CPSF1: variants seen among roughly 807,000 people sequenced by gnomAD.
CPSF1 encodes the protein cleavage and polyadenylation specificity factor subunit 1.
A neutral mutation model predicts 175.8 loss-of-function variants in CPSF1; 106 were observed. The ratio of observed to expected loss-of-function variants is 0.60; its 90% CI spans 0.52 to 0.71. The LOEUF (loss-of-function observed/expected upper bound fraction) is 0.71, where lower values mean the gene tolerates loss of function less well. Ranked by LOEUF, CPSF1 falls within the 30% of genes least tolerant of loss-of-function variation. CPSF1 has a pLI of 0.00. For missense variants in CPSF1, 1,734 were observed against 2,022.9 expected (o/e 0.86, Z 2.74); for synonymous variants, 1,024 against 858.3 (o/e 1.19, Z -3.37).
rs782437856 is a variant in CPSF1 at position 144,396,894 on chromosome 8, G to A, written c.2628C>T (p.Ala876=). Residue 876 remains alanine, a synonymous_variant, in exon 24 of 38, where the codon GCC becomes GCT. Coordinates refer to ENST00000616140, the MANE Select transcript of CPSF1 (RefSeq NM_013291.3). ...HVDQELLIYE[A]FPHDSQLGQG... is the part of the protein sequence containing the mutation. Reference sequence around the variant, plus strand: ...GGCCGAGCTGAGAGTCGTGGGGGAAGGCCTCGTAGATAAGCAGCTCTTGGT... The same window carrying A: ...GGCCGAGCTGAGAGTCGTGGGGGAAAGCCTCGTAGATAAGCAGCTCTTGGT... 4.3e-6 allele frequency: 7 copies of A among 1,613,764 alleles called. No individual in the cohort carries two copies. Among genetic ancestry groups the A allele is most frequent in the South Asian group, 2.2e-5 (2 of 91,070 alleles).
chr8:144,396,571 C>G (rs1586614614), intron 25 of CPSF1, 27 bp downstream of exon 25: 1 of 1,609,714 alleles, frequency 6.2e-7, no homozygotes, highest in African/African-American at 1.3e-5. Flanking sequence ...CCTTCTACCA[C>G]AGACCCCTGC....
At position 144,400,974 on chromosome 8, in the gene CPSF1, G is replaced by C; in HGVS notation, c.489C>G (p.Pro163=). ...CCTCAGCCAGGCTCTCCCTGCGGAA[G>C]GGCAGGACCACCAGCCGCGTGCCGT... ...LVYGTRLVVL[P]FRRESLAEEH... Residue 163 remains proline (P), a synonymous_variant, in exon 6 of 38, where the codon CCC becomes CCG. Coordinates refer to ENST00000616140, the MANE Select transcript of CPSF1 (RefSeq NM_013291.3). The C allele has an allele frequency of 6.2e-7, 1 of 1,610,292 alleles. No individual in the cohort carries two copies. Among genetic ancestry groups the C allele is most frequent in the Middle Eastern group, 1.7e-4 (1 of 6,052 alleles).
At chr8:144,407,588 G>A (rs2116908910) in intron 2 of CPSF1, among the ~76,000 whole-genome samples, 1 of 152,240 alleles carries the variant, frequency 6.6e-6, no homozygotes, top group African/African-American at 2.4e-5. Flanking sequence ...TTGGTGGAGG[G>A]TTTAGGGAGC....
At position 144,409,075 on chromosome 8, in the gene CPSF1, G is replaced by A. The variant is rs2116913021; in HGVS notation, c.84C>T (p.Arg28=). ...GCGAGGTCCCGGCCACTACCAGGTT[G>A]CGCTCGCTGTTGTTGAAGAAGTTGC... is the stretch of plus-strand genomic sequence containing the variant. ...MYCNFFNNSE[R]NLVVAGTSQL... Residue 28 remains arginine, a synonymous_variant, in exon 2 of 38, where the codon CGC becomes CGT. Transcript: ENST00000616140. 1.2e-6 allele frequency: 2 copies of A among 1,613,886 alleles called. No homozygotes were observed. Among genetic ancestry groups the A allele is most frequent in the Non-Finnish European group, 1.7e-6 (2 of 1,179,926 alleles).
rs782373475 is a variant in CPSF1 at position 144,400,134 on chromosome 8, G to GCCCCCCCCCCCCCCCC, written c.937+31_937+32insGGGGGGGGGGGGGGGG. The GCCCCCCCCCCCCCCCC allele has an allele frequency of 6.4e-5, 62 of 966,496 alleles. 2 individuals carry two copies. Among genetic ancestry groups the GCCCCCCCCCCCCCCCC allele is most frequent in the African/African-American group, 1.6e-4 (7 of 42,662 alleles). 59.9% of individuals were successfully genotyped at this position (966,496 alleles called of 1,614,324 possible). On this transcript the variant is annotated intron_variant, in intron 9 of 37. Coordinates refer to ENST00000616140, the MANE Select transcript of CPSF1 (RefSeq NM_013291.3). ...ACTAGGCAGGCCCAAGCCGTCCCCG[G>GCCCCCCCCCCCCCCCC]GCCCCCCCCGCCCCAGCCACCCCAC... is the stretch of plus-strand genomic sequence containing the variant.
At chr8:144,404,333 G>A (rs1385801937) in intron 2 of CPSF1, among the ~76,000 whole-genome samples, 7 of 152,074 alleles carry the variant, frequency 4.6e-5, no homozygotes, top group Non-Finnish European at 2.9e-5. Context: ...CTGCACTTCT[G>A]TGTACATGCA....
chr8:144,395,707 C>T, intron 26 of CPSF1, 156 bp from the exon 27 acceptor site: 1 of 642,346 alleles, frequency 1.6e-6, no homozygotes, highest in Non-Finnish European at 2.7e-6. Context: ...CTGGAAGGGG[C>T]TGCCACTCAG....
intron 2 of CPSF1, 61 bp downstream of exon 2, chr8:144,408,954 C>CG: frequency 6.3e-7 from 1 of 1,580,616 alleles, no homozygotes; most frequent in Middle Eastern, 1.7e-4. Context: ...CATCTGCAAC[C>CG]GGGGGCGGTG....
In CPSF1 at chr8:144,397,464, C is replaced by A. The variant is rs782615998; in HGVS notation, c.2385+23G>T. 5 of 1,596,888 alleles carry A rather than the reference C, an allele frequency of 3.1e-6. No homozygotes were observed. The East Asian group carries it at 1.1e-4, about 36-fold the overall frequency. The stretch of plus-strand genomic sequence containing the variant: ...AGGCAGGTGGGTGGAACCCGCTGGG[C>A]CACAGTGCAGGGCACCACCTACCTC... On this transcript the variant is annotated intron_variant, in intron 22 of 37. Transcript: ENST00000616140.
rs2116875200 is a variant in CPSF1 at position 144,400,441 on chromosome 8, T to C, written c.739A>G (p.Ile247Val). 5.0e-6 allele frequency: 8 copies of C among 1,613,442 alleles called. No homozygotes were observed. The highest frequency in any genetic ancestry group is 2.2e-5 in the East Asian group (1 of 44,876). ...TCSIVAISLNITQKVHPVIWS... is the reference protein window; with the variant it reads ...TCSIVAISLNVTQKVHPVIWS... The stretch of plus-strand genomic sequence containing the variant: ...ATGACGGGGTGCACCTTCTGCGTGA[T>C]GTTCAGTGAGATGGCCACAATGGAG... The change falls in exon 8 of 38, where the codon ATC (isoleucine) becomes GTC (valine). Residue 247 changes from isoleucine to valine, a missense_variant. Around this residue, in one of 10 missense-constraint regions of CPSF1, gnomAD observed 61 missense variants for 104.0 expected, o/e 0.59. Transcript: ENST00000616140.
At chr8:144,401,780 C>G in intron 2 of CPSF1, 107 bp from the exon 3 acceptor site, 2 of 1,192,250 alleles carry the variant, frequency 1.7e-6, no homozygotes, top group Non-Finnish European at 2.3e-6. Flanking sequence ...CCTGGGAGCT[C>G]TGCCCAAACC....
chr8:144,393,243 T>C lies in CPSF1; in HGVS notation c.*75A>G. ...CCACACACTCCTCTCAAGCAAAAAA[T>C]GTTTTTCCTTGTGTTTTGTACAAAA... On this transcript the variant is annotated 3_prime_UTR_variant, in exon 38 of 38. Coordinates refer to ENST00000616140, the MANE Select transcript of CPSF1 (RefSeq NM_013291.3). 5 of 1,411,396 alleles carry C rather than the reference T, an allele frequency of 3.5e-6. No individual in the cohort carries two copies. In the South Asian group the frequency reaches 5.8e-5, roughly 16 times the overall value. 87.4% of individuals were successfully genotyped at this position (1,411,396 alleles called of 1,614,324 possible). A position where few individuals can be genotyped will look rare whatever the true frequency, so the allele number is the denominator to read the frequency against.
Position 144,400,248 on chromosome 8 carries a change from C to A in CPSF1, c.855G>T (p.Ser285=), listed in dbSNP as rs2116873852. 3 of 1,593,568 alleles carry A rather than the reference C, an allele frequency of 1.9e-6. No individual in the cohort carries two copies. In the East Asian group the frequency reaches 6.7e-5, roughly 36 times the overall value. The part of the protein sequence containing the change: ...IGGVVVFAVN[S]LLYLNQSVPP... ...GGACGCTCTGGTTCAGGTACAACAG[C>A]GAGTTGACGGCAAACACCACCACCC... Residue 285 remains serine, a synonymous_variant, in exon 9 of 38, where the codon TCG becomes TCT. Transcript: ENST00000616140.
rs1821644928 is a variant in CPSF1 at position 144,408,949 on chromosome 8, G to A, written c.144+66C>T. 4 of 1,572,958 alleles carry A rather than the reference G, an allele frequency of 2.5e-6. No individual in the cohort carries two copies. In the Admixed American group the frequency reaches 5.4e-5, roughly 21 times the overall value. ...TGTCTGGGGCTTGGCTCTTCCATCT[G>A]CAACCGGGGGCGGTGAGAGCACCCA... On this transcript the variant is annotated intron_variant, in intron 2 of 37. Coordinates refer to ENST00000616140, the MANE Select transcript of CPSF1 (RefSeq NM_013291.3).
Position 144,399,519 on chromosome 8 carries a change from G to T in CPSF1, c.1243-16C>A. On this transcript the variant is annotated splice_polypyrimidine_tract_variant and intron_variant, in intron 12 of 37. Coordinates refer to ENST00000616140, the MANE Select transcript of CPSF1 (RefSeq NM_013291.3). This position sits in a 1 kb window ranked among gnomAD's most constrained non-coding sequence, Gnocchi z 6.4. ...GAGGCTCTTCCTGTGAGGCAGGAGG[G>T]GCACTGAGTGGCATGCCACAGCAGT... 6.2e-7 allele frequency: 1 copy of T among 1,612,328 alleles called. No homozygotes were observed. The highest frequency in any genetic ancestry group is 8.5e-7 in the Non-Finnish European group (1 of 1,179,632).
rs954801800 is a variant in CPSF1, at chr8:144,396,642, C to T, written c.2782G>A (p.Val928Met). The T allele has an allele frequency of 4.3e-6, 7 of 1,613,616 alleles. No homozygotes were observed. In the African/African-American group the frequency reaches 6.7e-5, roughly 15 times the overall value. Residue 928 changes from valine (V) to methionine (M), a missense_variant, in exon 25 of 38, where the codon GTG becomes ATG. Physicochemically the swap from Val to Met is conservative, Grantham distance 21 (BLOSUM62 1). Coordinates refer to ENST00000616140, the MANE Select transcript of CPSF1 (RefSeq NM_013291.3). Reference protein sequence around the residue: ...AEEGAGARGRVARFRYFEDIY... With the variant: ...AEEGAGARGRMARFRYFEDIY... ...TCCTCGAAGTAGCGGAAACGCGCCA[C>T]GCGGCCCCGGGCCCCAGCCCCCTCC...
intron 2 of CPSF1, among the ~76,000 whole-genome samples, chr8:144,404,352 G>A (rs1483015459): frequency 6.6e-6 from 1 of 152,062 alleles, no homozygotes; most frequent in African/African-American, 2.4e-5. Context: ...CAAGAAACAG[G>A]GGTAACCACT....
chr8:144,400,134 G>GTC, intron 9 of CPSF1, 32 bp downstream of exon 9: 1 of 964,400 alleles, frequency 1.0e-6, no homozygotes, highest in Non-Finnish European at 1.5e-6. Flanking sequence ...GCCGTCCCCG[G>GTC]GCCCCCCCCG....
At position 144,401,028 on chromosome 8, in the gene CPSF1, G is replaced by A. The variant is rs1303043073; in HGVS notation, c.435C>T (p.Pro145=). ...NVHTPRVRVD[P]DGRCAAMLVY... Reference sequence around the variant, plus strand: ...CAAGCATGGCTGCACAGCGCCCGTCGGGGTCCACCCGCACTCGCGGCGTGT... The same window carrying A: ...CAAGCATGGCTGCACAGCGCCCGTCAGGGTCCACCCGCACTCGCGGCGTGT... The change falls in exon 6 of 38, where the codon CCC becomes CCT. Residue 145 remains proline (P), a synonymous_variant. Coordinates refer to ENST00000616140, the MANE Select transcript of CPSF1 (RefSeq NM_013291.3). The A allele has an allele frequency of 1.1e-5, 17 of 1,608,790 alleles. No homozygotes were observed. The highest frequency in any genetic ancestry group is 4.5e-5 in the East Asian group (2 of 44,784).
Sources: allele counts gnomAD v4.1 joint callset (sites outside exome capture counted in the v4.1 genomes callset), GRCh38; gene constraint gnomAD v4.1.1; regional missense constraint gnomAD v4.1.1; non-coding constraint Gnocchi (gnomAD v3.1); transcripts MANE v1.5; gene names NCBI Gene and HGNC (gene_info 2026-07-23, HGNC 2026-07-21).